DCAF5: variants seen among roughly 807,000 people sequenced by gnomAD.
DCAF5 encodes the protein DDB1 and CUL4 associated factor 5.
A neutral mutation model predicts 80.7 loss-of-function variants in DCAF5; 9 were observed. The ratio of observed to expected loss-of-function variants is 0.11; its 90% confidence interval spans 0.07 to 0.19. The LOEUF (loss-of-function observed/expected upper bound fraction) is 0.19, where lower values mean the gene tolerates loss of function less well. Ranked by LOEUF, DCAF5 falls within the 10% of genes least tolerant of loss-of-function variation. The pLI, the probability that DCAF5 is intolerant of heterozygous loss-of-function variation, is 1.00. For synonymous variants in DCAF5, 433 were observed against 461.9 expected (o/e 0.94, Z 0.80); for missense variants, 842 against 1,205.7 (o/e 0.70, Z 4.47).
At chr14:69,133,969 C>G (rs775232890) in intron 1 of DCAF5, among the ~76,000 whole-genome samples, 2 of 152,142 alleles carry the variant, frequency 1.3e-5, no homozygotes, top group Non-Finnish European at 2.9e-5. Flanking sequence ...AATACTAACC[C>G]TAGACAATGT....
At chr14:69,066,969 T>C (rs1000761817) in intron 7 of DCAF5, among the ~76,000 whole-genome samples, 25 of 152,344 alleles carry the variant, frequency 1.6e-4, no homozygotes, top group South Asian at 1.0e-3. Context: ...CTTGGTCTAA[T>C]AGCAATTTAT....
chr14:69,151,729 C>G (rs1420821513), intron 1 of DCAF5, among the ~76,000 whole-genome samples: 1 of 152,122 alleles, frequency 6.6e-6, no homozygotes. Flanking sequence ...CCACCGGCAG[C>G]AGGCGCACCT....
intron 7 of DCAF5, 47 bp downstream of exon 7, chr14:69,075,298 C>A: frequency 6.5e-7 from 1 of 1,543,218 alleles, no homozygotes; most frequent in South Asian, 1.2e-5. Flanking sequence ...TGCCAAAGGT[C>A]AACAGAGCCA....
chr14:69,105,944 T>TATATATATATATATATATATATATA (rs35270301), intron 5 of DCAF5, among the ~76,000 whole-genome samples: 1,146 of 84,916 alleles, frequency 0.013, 217 homozygotes, highest in Non-Finnish European at 0.027. Flanking sequence ...TATATATATA[T>TATATATATATATATATATATATATA]ATCTCCTATT....
At position 69,055,653 on chromosome 14, in the gene DCAF5, G is replaced by A; in HGVS notation, c.1075-42C>T. The A allele has an allele frequency of 6.5e-7, 1 of 1,550,310 alleles. No individual in the cohort carries two copies. The highest frequency in any genetic ancestry group is 8.8e-7 in the Non-Finnish European group (1 of 1,141,298). On this transcript the variant is annotated intron_variant, in intron 8 of 8. Coordinates refer to ENST00000341516, the MANE Select transcript of DCAF5 (RefSeq NM_003861.3). The surrounding 1 kb of genome is among the most constrained non-coding windows in gnomAD (Gnocchi z 5.6). ...AAACAAAAGCAACAAGGAGTAACTG[G>A]AAAGTATTCTTTCACTGGTGGTGAT...
intron 1 of DCAF5, among the ~76,000 whole-genome samples, chr14:69,130,899 C>G (rs1317128940): frequency 2.0e-5 from 3 of 152,156 alleles, no homozygotes; most frequent in African/African-American, 7.2e-5. Flanking sequence ...CCTGGTTACT[C>G]TACTCCTCTA....
Position 69,102,868 on chromosome 14 carries a change from AAC to A in DCAF5, c.666-10983_666-10982del, listed in dbSNP as rs56864874. On this transcript the variant is annotated intron_variant, in intron 5 of 8. Transcript: ENST00000341516. ...CAATACAGTAAACAGGTAAACCAGT[AAC>A]ACAGCTGTTTATTATCAAGTGTTAC... Among the ~76,000 whole-genome samples, 880 of 152,340 alleles carry A rather than the reference AAC, an allele frequency of 5.8e-3. 3 individuals carry two copies. Among genetic ancestry groups the A allele is most frequent in the African/African-American group, 0.018 (750 of 41,574 alleles).
At chr14:69,131,047 T>A (rs1385951853) in intron 1 of DCAF5, among the ~76,000 whole-genome samples, 2 of 152,226 alleles carry the variant, frequency 1.3e-5, no homozygotes, top group South Asian at 4.1e-4. Context: ...ATTGTCCTTG[T>A]GTCCGTAAAG....
intron 1 of DCAF5, among the ~76,000 whole-genome samples, chr14:69,132,508 C>T (rs1442037297): frequency 6.6e-6 from 1 of 152,196 alleles, no homozygotes; most frequent in Non-Finnish European, 1.5e-5. Flanking sequence ...TCACTCACCC[C>T]ATCCAGCCCA....
At chr14:69,073,875 G>A (rs958567995) in intron 7 of DCAF5, among the ~76,000 whole-genome samples, 20 of 152,258 alleles carry the variant, frequency 1.3e-4, no homozygotes, top group African/African-American at 4.3e-4. Context: ...ACTTCTCAAC[G>A]AATCAAGCTA....
chr14:69,059,210 G>A lies in DCAF5; in HGVS notation c.1074+3174C>T, dbSNP rs536079157. On this transcript the variant is annotated intron_variant, in intron 8 of 8. Transcript: ENST00000341516. ...AGTGATCGTCCCACCTCAGCCTCCC[G>A]AGTAACTGAGAGCACAGGCAGGCAC... 8.5e-5 allele frequency among the ~76,000 whole-genome samples: 13 copies of A among 152,144 alleles called. No individual in the cohort carries two copies. The South Asian group carries it at 1.9e-3, about 22-fold the overall frequency.
At chr14:69,121,301 CA>C (rs1175172023) in intron 2 of DCAF5, among the ~76,000 whole-genome samples, 2 of 152,092 alleles carry the variant, frequency 1.3e-5, no homozygotes, top group African/African-American at 2.4e-5. Flanking sequence ...CACAGAAGGC[CA>C]TTGCAAAAAT....
At chr14:69,141,541 C>T (rs1206540702) in intron 1 of DCAF5, among the ~76,000 whole-genome samples, 1 of 152,090 alleles carries the variant, frequency 6.6e-6, no homozygotes, top group Non-Finnish European at 1.5e-5. Flanking sequence ...GTGTGATGTT[C>T]CCCTTCCCTA....
intron 7 of DCAF5, among the ~76,000 whole-genome samples, chr14:69,073,855 C>A (rs1459319674): frequency 6.6e-6 from 1 of 152,096 alleles, no homozygotes; most frequent in African/African-American, 2.4e-5. Flanking sequence ...TACAATTAAA[C>A]CCAAAGATTA....
At chr14:69,105,372 T>C (rs748598783) in intron 5 of DCAF5, among the ~76,000 whole-genome samples, 15 of 152,204 alleles carry the variant, frequency 9.9e-5, no homozygotes, top group Non-Finnish European at 1.5e-4. Context: ...AAAAACATGA[T>C]GCTAAGTGAA....
Position 69,053,771 on chromosome 14 carries a change from GT to G in DCAF5, c.*85del, listed in dbSNP as rs1214118013. On this transcript the variant is annotated 3_prime_UTR_variant, in exon 9 of 9. Transcript: ENST00000341516. ...CTGGTTTCATGTGCCTTTAATACTTGTTTTTCCTTTCCTCTGTATTCACTAA... is the reference window on the plus strand; with the variant it reads ...CTGGTTTCATGTGCCTTTAATACTTGTTTTCCTTTCCTCTGTATTCACTAA... The G allele has an allele frequency of 1.5e-6, 2 of 1,342,382 alleles. No individual in the cohort carries two copies. Among genetic ancestry groups the G allele is most frequent in the Non-Finnish European group, 2.0e-6 (2 of 1,006,596 alleles). The allele number at this position is 1,342,382 out of a possible 1,614,324, so 83.2% of individuals were successfully genotyped here. A position where few individuals can be genotyped will look rare whatever the true frequency, so the allele number is the denominator to read the frequency against.
At chr14:69,067,842 A>G (rs2038522123) in intron 7 of DCAF5, among the ~76,000 whole-genome samples, 1 of 151,922 alleles carries the variant, frequency 6.6e-6, no homozygotes, top group East Asian at 1.9e-4. Flanking sequence ...TCGCCATGTT[A>G]GCCAGCATGG....
chr14:69,091,896 C>T lies in DCAF5; in HGVS notation c.666-9G>A, dbSNP rs1249530217. 8.1e-6 allele frequency: 13 copies of T among 1,604,990 alleles called. No homozygotes were observed. The highest frequency in any genetic ancestry group is 1.1e-5 in the Non-Finnish European group (13 of 1,174,966). ...CATAGCGCAGGAGAGAACTGGAAGG[C>T]ACAAGGCACAGGAATCAGGCATGAG... On this transcript the variant is annotated splice_polypyrimidine_tract_variant and intron_variant, in intron 5 of 8. Coordinates refer to ENST00000341516, the MANE Select transcript of DCAF5 (RefSeq NM_003861.3).
chr14:69,121,480 A>C (rs1370190960), intron 2 of DCAF5, among the ~76,000 whole-genome samples: 2 of 152,244 alleles, frequency 1.3e-5, no homozygotes, highest in Non-Finnish European at 2.9e-5. Flanking sequence ...GAAAATGGTT[A>C]ATTGTCAGCA....
Sources: gnomAD v4.1 joint callset for allele counts (sites outside exome capture counted in the v4.1 genomes callset) on GRCh38, gnomAD v4.1.1 for gene constraint, Gnocchi (gnomAD v3.1) non-coding constraint, MANE v1.5 for transcripts, NCBI Gene and HGNC (gene_info 2026-07-23, HGNC 2026-07-21) for gene names.